The following GALNT13 variants were observed in gnomAD, a reference collection of about 807,000 sequenced individuals.
The protein encoded by GALNT13 is UDP-GalNAc:polypeptide N-acetylgalactosaminyltransferase 13.
A neutral mutation model predicts 64.2 loss-of-function variants in GALNT13; 28 were observed. The ratio of observed to expected loss-of-function variants is 0.44; its 90% CI spans 0.32 to 0.60. GALNT13 has a LOEUF of 0.60. GALNT13 is among the 20% of genes least tolerant of loss of function. The pLI is 0.05. For synonymous variants in GALNT13, 214 were observed against 224.6 expected (o/e 0.95, Z 0.42); for missense variants, 577 against 669.8 (o/e 0.86, Z 1.53).
chr2:153,396,845 C>G, the GALNT13 span, among the ~76,000 whole-genome samples: 1 of 152,140 alleles, frequency 6.6e-6, no homozygotes, highest in Non-Finnish European at 1.5e-5. Flanking sequence ...TTCCCTCTTT[C>G]TTGTTGACCT....
At chr2:154,354,689 T>C (rs1225115680) in intron 9 of GALNT13, among the ~76,000 whole-genome samples, 4 of 152,032 alleles carry the variant, frequency 2.6e-5, no homozygotes, top group East Asian at 3.8e-4. Context: ...CTTTTCCCCA[T>C]TGTGTTCTCT....
the GALNT13 span, among the ~76,000 whole-genome samples, chr2:153,805,523 C>T: frequency 6.6e-6 from 1 of 152,002 alleles, no homozygotes; most frequent in Admixed American, 6.6e-5. Flanking sequence ...ACTAGAGAGA[C>T]ATTGACATAA....
At chr2:153,244,702 C>T in the GALNT13 span, among the ~76,000 whole-genome samples, 2 of 152,162 alleles carry the variant, frequency 1.3e-5, no homozygotes, top group Non-Finnish European at 2.9e-5. Context: ...TGGTGCCTGC[C>T]CAAACAGCCA....
chr2:154,015,636 GCC>G (rs1286797539), intron 3 of GALNT13, among the ~76,000 whole-genome samples: 1 of 152,056 alleles, frequency 6.6e-6, no homozygotes, highest in Non-Finnish European at 1.5e-5. Flanking sequence ...TCATCACATT[GCC>G]TTCTCCTACT....
the GALNT13 span, among the ~76,000 whole-genome samples, chr2:153,244,319 A>T: frequency 6.9e-6 from 1 of 145,244 alleles, no homozygotes; most frequent in Non-Finnish European, 1.6e-5. Context: ...TATCTGACAA[A>T]CTTCCCCAAA....
chr2:153,562,056 CTCTCTGTGTGTGTGTGTG>C, the GALNT13 span, among the ~76,000 whole-genome samples: 4 of 92,986 alleles, frequency 4.3e-5, no homozygotes, highest in South Asian at 3.9e-4. Context: ...CTCTCTCTCT[CTCTCTGTGTGTGTGTGTG>C]TGTGTGTGTG....
the GALNT13 span, among the ~76,000 whole-genome samples, chr2:153,230,387 C>A: frequency 2.6e-5 from 4 of 152,098 alleles, no homozygotes; most frequent in African/African-American, 9.7e-5. Flanking sequence ...GAATATTTTC[C>A]TGCACTGCAC....
chr2:153,862,841 T>A, the GALNT13 span, among the ~76,000 whole-genome samples: 1 of 152,114 alleles, frequency 6.6e-6, no homozygotes, highest in Non-Finnish European at 1.5e-5. Context: ...TATGCTTATA[T>A]TTAATCTGTA....
chr2:153,451,546 T>G, the GALNT13 span, among the ~76,000 whole-genome samples: 1 of 152,132 alleles, frequency 6.6e-6, no homozygotes, highest in Non-Finnish European at 1.5e-5. Context: ...GCAAGAGAAA[T>G]TTGCCCAAGT....
the GALNT13 span, among the ~76,000 whole-genome samples, chr2:153,795,377 C>T: frequency 3.3e-5 from 5 of 152,044 alleles, no homozygotes; most frequent in South Asian, 6.2e-4. Flanking sequence ...TCCATCAAAG[C>T]TAAAAGGGAC....
chr2:154,106,434 CTA>C (rs1390424609), intron 3 of GALNT13, among the ~76,000 whole-genome samples: 6 of 151,978 alleles, frequency 3.9e-5, no homozygotes, highest in African/African-American at 1.4e-4. Flanking sequence ...TGTGAAATGA[CTA>C]TCTTTTTTCC....
intron 3 of GALNT13, among the ~76,000 whole-genome samples, chr2:154,052,348 A>G (rs1699669947): frequency 6.6e-6 from 1 of 152,134 alleles, no homozygotes; most frequent in Non-Finnish European, 1.5e-5. Context: ...TTTTAATCCA[A>G]TGAGACTATT....
intron 4 of GALNT13, among the ~76,000 whole-genome samples, chr2:154,184,884 G>T (rs1686169041): frequency 6.6e-6 from 1 of 152,046 alleles, no homozygotes; most frequent in Non-Finnish European, 1.5e-5. Flanking sequence ...AATTAAAAGT[G>T]ATTTATATAC....
intron 3 of GALNT13, among the ~76,000 whole-genome samples, chr2:154,014,935 G>A (rs957328011): frequency 3.9e-5 from 6 of 152,012 alleles, no homozygotes; most frequent in African/African-American, 7.2e-5. Flanking sequence ...CCCAGCCTCT[G>A]ATAATTCTCT....
intron 3 of GALNT13, among the ~76,000 whole-genome samples, chr2:153,965,714 A>G (rs1054088696): frequency 1.3e-5 from 2 of 151,602 alleles, no homozygotes; most frequent in African/African-American, 4.8e-5. Context: ...TGTAGTTACC[A>G]TAAGACTTGT....
chr2:154,083,456 A>G (rs980047650), intron 3 of GALNT13, among the ~76,000 whole-genome samples: 3 of 151,894 alleles, frequency 2.0e-5, no homozygotes, highest in African/African-American at 7.2e-5. Context: ...AAGAAAGACA[A>G]TGGTGGCTTG....
the GALNT13 span, among the ~76,000 whole-genome samples, chr2:153,666,470 T>G: frequency 1.3e-5 from 2 of 152,162 alleles, no homozygotes; most frequent in Non-Finnish European, 1.5e-5. Flanking sequence ...ATTGGAGTGG[T>G]GTTGCCAGCA....
chr2:154,122,126 G>A (rs1175167403), intron 3 of GALNT13, among the ~76,000 whole-genome samples: 1 of 151,916 alleles, frequency 6.6e-6, no homozygotes, highest in East Asian at 1.9e-4. Flanking sequence ...TTTTTGGCCT[G>A]CTTATGTGGT....
the GALNT13 span, among the ~76,000 whole-genome samples, chr2:153,258,371 A>AAACAAAACAAAACAG: frequency 1.4e-5 from 2 of 138,948 alleles, no homozygotes; most frequent in African/African-American, 5.9e-5. Context: ...GGTCTCCCAA[A>AAACAAAACAAAACAG]AACAAAACAA....
Sources: allele counts gnomAD v4.1 joint callset (sites outside exome capture counted in the v4.1 genomes callset), GRCh38; gene constraint gnomAD v4.1.1; transcripts MANE v1.5; gene names NCBI Gene and HGNC (gene_info 2026-07-23, HGNC 2026-07-21).